ZMYND19: variants seen among roughly 807,000 people sequenced by gnomAD.
ZMYND19 encodes the protein zinc finger MYND domain-containing protein 19.
In ZMYND19, 17 loss-of-function variants were observed where a neutral mutation model predicts 32.0. That is an observed-to-expected ratio of 0.53 (90% CI 0.36 to 0.80). The LOEUF is 0.80. Ranked by LOEUF, ZMYND19 falls within the 30% of genes least tolerant of loss-of-function variation. The pLI is 0.00. For synonymous variants in ZMYND19, 124 were observed against 113.6 expected (o/e 1.09, Z -0.58); for missense variants, 250 against 293.6 (o/e 0.85, Z 1.09).
chr9:137,590,463 G>A lies in ZMYND19; in HGVS notation c.-200C>T, dbSNP rs896333293. The stretch of plus-strand genomic sequence containing the variant: ...CTCGCGCCCGCCGGACCTGCCACGC[G>A]CCGCCGCCGCCGCCGCCACCGCCAC... On this transcript the variant is annotated 5_prime_UTR_variant, in exon 1 of 6. Coordinates refer to ENST00000298585, the MANE Select transcript of ZMYND19 (RefSeq NM_138462.3). The surrounding 1 kb of genome is among the most constrained non-coding windows in gnomAD (Gnocchi z 4.2). The A allele has an allele frequency of 8.7e-5, 14 of 160,326 alleles. No individual in the cohort carries two copies. Among genetic ancestry groups the A allele is most frequent in the Non-Finnish European group, 1.8e-4 (14 of 78,182 alleles). 9.9% of individuals were successfully genotyped at this position (160,326 alleles called of 1,614,324 possible). A position where few individuals can be genotyped will look rare whatever the true frequency, so the allele number is the denominator to read the frequency against.
intron 3 of ZMYND19, chr9:137,587,402 AGC>A: frequency 1.7e-6 from 1 of 594,544 alleles, no homozygotes; most frequent in Non-Finnish European, 3.0e-6. Context: ...GCCTCGAGAC[AGC>A]TCCCCATCTG....
chr9:137,582,936 T>C, intron 5 of ZMYND19, 47 bp downstream of exon 5: 1 of 1,602,400 alleles, frequency 6.2e-7, no homozygotes, highest in East Asian at 2.2e-5. Flanking sequence ...AAGGCTGGGC[T>C]ACAGGGTAGA....
At chr9:137,589,926 C>T in intron 1 of ZMYND19, 2 of 985,410 alleles carry the variant, frequency 2.0e-6, no homozygotes, top group Non-Finnish European at 2.4e-6. Context: ...AGCCACGCAT[C>T]TCCGCACCCG....
chr9:137,584,663 A>G (rs1842184369), intron 4 of ZMYND19, among the ~76,000 whole-genome samples: 1 of 152,216 alleles, frequency 6.6e-6, no homozygotes, highest in East Asian at 1.9e-4. Flanking sequence ...AGGAGATGCT[A>G]CAGATGCTGC....
rs1588975690 is a variant in ZMYND19, at chr9:137,589,888, G to A, written c.51+325C>T. 4.1e-6 allele frequency: 4 copies of A among 985,374 alleles called. No homozygotes were observed. The South Asian group carries it at 1.4e-4, about 35-fold the overall frequency. The allele number at this position is 985,374 out of a possible 1,614,324, so 61.0% of individuals were successfully genotyped here. On this transcript the variant is annotated intron_variant, in intron 1 of 5. Transcript: ENST00000298585. ...CCCGGATCGCCGACACCACTGGGAG[G>A]GCTCCGGGAGAACGCGGCTCGGGCT...
intron 4 of ZMYND19, 34 bp downstream of exon 4, chr9:137,586,933 T>C: frequency 6.2e-7 from 1 of 1,609,956 alleles, no homozygotes; most frequent in South Asian, 1.1e-5. Flanking sequence ...AAAAGGCGCC[T>C]CTGCTGGCAT....
Position 137,587,023 on chromosome 9 carries a change from C to T in ZMYND19, c.303G>A (p.Leu101=). 7 of 1,612,384 alleles carry T rather than the reference C, an allele frequency of 4.3e-6. No homozygotes were observed. Among genetic ancestry groups the T allele is most frequent in the Non-Finnish European group, 5.9e-6 (7 of 1,180,026 alleles). ...AVTVDNRLDN[L]QLVPWGWRPK... is the part of the protein sequence containing the mutation. Reference sequence around the variant, plus strand: ...GCCGCCAGCCCCACGGCACCAGTTGCAGGTTGTCCAGGCGATTGTCCACGG... The same window carrying T: ...GCCGCCAGCCCCACGGCACCAGTTGTAGGTTGTCCAGGCGATTGTCCACGG... Residue 101 remains leucine, a synonymous_variant, in exon 4 of 6, where the codon CTG becomes CTA. Transcript: ENST00000298585.
Position 137,587,012 on chromosome 9 carries a change from G to C in ZMYND19, c.314C>G (p.Pro105Arg). ...DNRLDNLQLV[P>R]WGWRPKAEET... is the part of the protein sequence containing the mutation. ...TTCAGCCTTGGGCCGCCAGCCCCAC[G>C]GCACCAGTTGCAGGTTGTCCAGGCG... Residue 105 changes from proline to arginine, a missense_variant, in exon 4 of 6, where the codon CCG becomes CGG. By Grantham distance (103) the Pro-to-Arg change is moderately radical. Transcript: ENST00000298585. The C allele has an allele frequency of 1.2e-6, 2 of 1,612,480 alleles. No homozygotes were observed. The highest frequency in any genetic ancestry group is 1.7e-6 in the Non-Finnish European group (2 of 1,180,010).
At chr9:137,585,897 G>A (rs1175489510) in intron 4 of ZMYND19, among the ~76,000 whole-genome samples, 2 of 152,266 alleles carry the variant, frequency 1.3e-5, no homozygotes, top group African/African-American at 2.4e-5. Context: ...CCTGCACCAG[G>A]AAAGGCTGCC....
intron 4 of ZMYND19, among the ~76,000 whole-genome samples, chr9:137,583,919 G>C (rs1007292574): frequency 6.6e-6 from 1 of 152,232 alleles, no homozygotes; most frequent in African/African-American, 2.4e-5. Flanking sequence ...GGAAAGCAAA[G>C]CAATAGCCCA....
chr9:137,587,558 G>T (rs952183758), intron 3 of ZMYND19, 159 bp downstream of exon 3: 3 of 682,366 alleles, frequency 4.4e-6, no homozygotes, highest in Non-Finnish European at 7.8e-6. Flanking sequence ...CAAATCATTC[G>T]TTCCTTTGGG....
At chr9:137,589,337 A>G (rs922697055) in intron 1 of ZMYND19, 5 of 985,276 alleles carry the variant, frequency 5.1e-6, no homozygotes, top group Non-Finnish European at 6.0e-6. Flanking sequence ...AGGAAACAGG[A>G]ACAGGTCCCA....
At chr9:137,583,739 C>A (rs1588972402) in intron 4 of ZMYND19, among the ~76,000 whole-genome samples, 2 of 152,342 alleles carry the variant, frequency 1.3e-5, no homozygotes, top group South Asian at 4.1e-4. Context: ...CGAAGCCAGA[C>A]CCTGAGGAGA....
chr9:137,588,224 G>A (rs1842228118), intron 2 of ZMYND19, among the ~76,000 whole-genome samples: 1 of 152,228 alleles, frequency 6.6e-6, no homozygotes, highest in Admixed American at 6.5e-5. Context: ...GCTGGGAAGA[G>A]GCAGGAAGAC....
chr9:137,584,006 G>A (rs534358969), intron 4 of ZMYND19, among the ~76,000 whole-genome samples: 40 of 151,834 alleles, frequency 2.6e-4, no homozygotes, highest in African/African-American at 6.8e-4. Flanking sequence ...CCAGACGGAC[G>A]CACAGCACCC....
Position 137,590,330 on chromosome 9 carries a change from A to G in ZMYND19, c.-67T>C. ...GAGGCGCCGAGCGGGGGCCGGGGCG[A>G]GGCCGCGGCGCGCCGGGACAGGACG... On this transcript the variant is annotated 5_prime_UTR_variant, in exon 1 of 6. Coordinates refer to ENST00000298585, the MANE Select transcript of ZMYND19 (RefSeq NM_138462.3). This position sits in a 1 kb window ranked among gnomAD's most constrained non-coding sequence, Gnocchi z 4.2. 1.0e-6 allele frequency: 1 copy of G among 973,602 alleles called. No individual in the cohort carries two copies. Among genetic ancestry groups the G allele is most frequent in the Non-Finnish European group, 1.2e-6 (1 of 814,196 alleles). 60.3% of individuals were successfully genotyped at this position (973,602 alleles called of 1,614,324 possible).
At chr9:137,582,765 C>G (rs978148147) in intron 5 of ZMYND19, 79 bp from the exon 6 acceptor site, 3 of 1,559,782 alleles carry the variant, frequency 1.9e-6, no homozygotes, top group East Asian at 4.5e-5. Flanking sequence ...TACGGACAAT[C>G]TGACGGACCC....
chr9:137,590,432 C>G lies in ZMYND19; in HGVS notation c.-169G>C. On this transcript the variant is annotated 5_prime_UTR_variant, in exon 1 of 6. Transcript: ENST00000298585. This position sits in a 1 kb window ranked among gnomAD's most constrained non-coding sequence, Gnocchi z 4.2. ...GGCTGGGCCGGGCTCGGGCCTCCGC[C>G]GCCGCCTCGCGCCCGCCGGACCTGC... 4.2e-6 allele frequency: 1 copy of G among 235,662 alleles called. No homozygotes were observed. Among genetic ancestry groups the G allele is most frequent in the Non-Finnish European group, 6.8e-6 (1 of 147,004 alleles). 14.6% of individuals were successfully genotyped at this position (235,662 alleles called of 1,614,324 possible).
chr9:137,589,924 A>G (rs1192684798), intron 1 of ZMYND19: 1 of 985,170 alleles, frequency 1.0e-6, no homozygotes, highest in East Asian at 1.1e-4. Context: ...CGAGCCACGC[A>G]TCTCCGCACC....
Sources: gnomAD v4.1 joint callset for allele counts (sites outside exome capture counted in the v4.1 genomes callset) on GRCh38, gnomAD v4.1.1 for gene constraint, Gnocchi (gnomAD v3.1) non-coding constraint, MANE v1.5 for transcripts, NCBI Gene and HGNC (gene_info 2026-07-23, HGNC 2026-07-21) for gene names.